Variants in TRIP11 observed in about 807,000 individuals in gnomAD.
TRIP11 encodes the protein thyroid hormone receptor interactor 11.
A neutral mutation model predicts 223.1 loss-of-function variants in TRIP11; 148 were observed. That is an observed-to-expected ratio of 0.66 (90% CI 0.58 to 0.76). TRIP11 has a LOEUF of 0.76. TRIP11 is among the 30% of genes least tolerant of loss of function. The pLI, the probability that TRIP11 is intolerant of heterozygous loss-of-function variation, is 0.00. For synonymous variants in TRIP11, 762 were observed against 772.6 expected (o/e 0.99, Z 0.23); for missense variants, 2,043 against 2,222.0 (o/e 0.92, Z 1.62).
Position 91,976,119 on chromosome 14 carries a change from T to C in TRIP11, c.5331A>G (p.Gly1777=). The change falls in exon 17 of 21, where the codon GGA becomes GGG. Residue 1777 remains glycine, a synonymous_variant. Transcript: ENST00000267622. ...AGCAAAAAGCATACTTGTCTACTTT[T>C]CCTTCTGAGCTGTTTGCTAAGCTCA... ...KLMSLANSSE[G]KVDKVLMRNL... 1 of 1,612,344 alleles carries C rather than the reference T, an allele frequency of 6.2e-7. No homozygotes were observed. Among genetic ancestry groups the C allele is most frequent in the Non-Finnish European group, 8.5e-7 (1 of 1,179,740 alleles).
intron 11 of TRIP11, 40 bp from the exon 12 acceptor site, chr14:92,000,148 C>A (rs765224723): frequency 2.5e-6 from 4 of 1,613,236 alleles, no homozygotes; most frequent in Non-Finnish European, 3.4e-6. Context: ...AAAACACACA[C>A]ACACACATAT....
rs767207472 is a variant in TRIP11, at chr14:92,003,529, G to T, written c.4447C>A (p.Gln1483Lys). ...ATAGAAAACTTCATGTTAGTCTCTT[G>T]TAACGCTTGATATTCTGTTTCCTTT... ...RGKETEYQAL[Q>K]ETNMKFSMML... Residue 1483 changes from glutamine to lysine, a missense_variant, in exon 11 of 21, where the codon CAA becomes AAA. Gln to Lys is a moderately conservative substitution (Grantham distance 53, BLOSUM62 1). Transcript: ENST00000267622. 2.2e-5 allele frequency: 35 copies of T among 1,613,950 alleles called. No homozygotes were observed. The Admixed American group carries it at 5.8e-4, about 27-fold the overall frequency.
rs761404315 is a variant in TRIP11 at position 92,003,607 on chromosome 14, C to T, written c.4369G>A (p.Asp1457Asn). 6.2e-7 allele frequency: 1 copy of T among 1,614,130 alleles called. No homozygotes were observed. The highest frequency in any genetic ancestry group is 1.7e-5 in the Admixed American group (1 of 60,018). The change falls in exon 11 of 21, where the codon GAC becomes AAC. Residue 1457 changes from aspartate (D) to asparagine (N), a missense_variant. Transcript: ENST00000267622. ...TTTTCTCCTTTTAGTTTGCCAATGT[C>T]CATCTCTAGAATTAATATTCTCTCC... is the stretch of plus-strand genomic sequence containing the variant. ...LKERILILEM[D>N]IGKLKGENEK... is the part of the protein sequence containing the mutation.
Position 92,039,711 on chromosome 14 carries a change from G to A in TRIP11, c.-26C>T. On this transcript the variant is annotated 5_prime_UTR_variant, in exon 1 of 21. Coordinates refer to ENST00000267622, the MANE Select transcript of TRIP11 (RefSeq NM_004239.4). ...CGCGGCGAGTTTAGAGAACGACCCG[G>A]TCCGCTCGGAAAAAAGAAAACGTTT... 6.2e-7 allele frequency: 1 copy of A among 1,605,554 alleles called. No individual in the cohort carries two copies. Among genetic ancestry groups the A allele is most frequent in the Non-Finnish European group, 8.5e-7 (1 of 1,176,052 alleles).
chr14:92,011,604 T>A (rs1595393834), intron 8 of TRIP11, 151 bp downstream of exon 8: 2 of 623,370 alleles, frequency 3.2e-6, no homozygotes, highest in South Asian at 2.0e-5. Flanking sequence ...CTTGGAAAAA[T>A]ATAAAAATAT....
chr14:92,039,782 CG>C lies in TRIP11; in HGVS notation c.-98del, dbSNP rs1360554909. On this transcript the variant is annotated 5_prime_UTR_variant, in exon 1 of 21. Coordinates refer to ENST00000267622, the MANE Select transcript of TRIP11 (RefSeq NM_004239.4). ...CCAAATATCCTTGAACGCCTGCCTT[CG>C]CGAGACAGGATACGATAACACAAAG... 6.4e-6 allele frequency: 10 copies of C among 1,550,620 alleles called. No individual in the cohort carries two copies. Among genetic ancestry groups the C allele is most frequent in the Non-Finnish European group, 8.7e-6 (10 of 1,147,166 alleles).
Position 92,025,878 on chromosome 14 carries a change from C to CAAAAAAAAA in TRIP11, c.202-467_202-459dup, listed in dbSNP as rs372915026. ...CTGGTGACAGAGCGAGACTCCGTCT[C>CAAAAAAAAA]AAAAAAAAAAAAAAAAAGCACTGAC... On this transcript the variant is annotated intron_variant, in intron 2 of 20. Coordinates refer to ENST00000267622, the MANE Select transcript of TRIP11 (RefSeq NM_004239.4). 9.2e-4 allele frequency among the ~76,000 whole-genome samples: 68 copies of CAAAAAAAAA among 74,038 alleles called. 1 individual carries two copies. The highest frequency in any genetic ancestry group is 3.1e-3 in the African/African-American group (66 of 21,506). The allele number at this position is 74,038 out of a possible 152,430, so 48.6% of individuals were successfully genotyped here. A position where few individuals can be genotyped will look rare whatever the true frequency, so the allele number is the denominator to read the frequency against.
rs1018261471 is a variant in TRIP11, at chr14:92,007,687, T to C, written c.1480A>G (p.Ile494Val). The change falls in exon 10 of 21, where the codon ATA (isoleucine) becomes GTA (valine). Residue 494 changes from isoleucine (I) to valine (V), a missense_variant. Transcript: ENST00000267622. ...NQSISEKETL[I>V]AEIEELDRQN... is the part of the protein sequence containing the mutation. Reference sequence around the variant, plus strand: ...CTGTCCAATTCTTCTATCTCAGCTATCAGTGTTTCCTTTTCACTAATACTC... The same window carrying C: ...CTGTCCAATTCTTCTATCTCAGCTACCAGTGTTTCCTTTTCACTAATACTC... 2.5e-6 allele frequency: 4 copies of C among 1,613,708 alleles called. No homozygotes were observed. Among genetic ancestry groups the C allele is most frequent in the Middle Eastern group, 1.7e-4 (1 of 6,058 alleles).
At chr14:92,012,117 A>T (rs182187097) in intron 7 of TRIP11, among the ~76,000 whole-genome samples, 1 of 152,362 alleles carries the variant, frequency 6.6e-6, no homozygotes, top group Non-Finnish European at 1.5e-5. Flanking sequence ...GAATTGATTC[A>T]TTTGAGAAGC....
At chr14:92,002,435 G>A (rs1274605557) in intron 11 of TRIP11, among the ~76,000 whole-genome samples, 1 of 151,998 alleles carries the variant, frequency 6.6e-6, no homozygotes, top group African/African-American at 2.4e-5. Context: ...ATTACTCATG[G>A]CTAATACTTT....
intron 2 of TRIP11, among the ~76,000 whole-genome samples, chr14:92,030,255 G>A (rs1476591848): frequency 4.2e-5 from 6 of 142,074 alleles, no homozygotes; most frequent in Non-Finnish European, 7.8e-5. Context: ...ATATTTTTAA[G>A]AACAAAAAAG....
intron 16 of TRIP11, among the ~76,000 whole-genome samples, chr14:91,980,219 T>A (rs17733282): frequency 6.6e-6 from 1 of 152,024 alleles, no homozygotes; most frequent in Non-Finnish European, 1.5e-5. Context: ...AATTTTACAT[T>A]TCATTTGTAA....
rs1465519421 is a variant in TRIP11, at chr14:92,022,060, A to C, written c.313-229T>G. On this transcript the variant is annotated intron_variant, in intron 3 of 20. Coordinates refer to ENST00000267622, the MANE Select transcript of TRIP11 (RefSeq NM_004239.4). ...ATGTTACAAATAGTAGAAATATCAG[A>C]ATTTTGTATGTTAACTAAAGCAATG... Among the ~76,000 whole-genome samples the C allele has an allele frequency of 2.6e-5, 4 of 152,228 alleles. No individual in the cohort carries two copies. The East Asian group carries it at 7.7e-4, about 29-fold the overall frequency.
At chr14:91,999,916 T>C (rs1422584819) in intron 12 of TRIP11, 52 bp downstream of exon 12, 7 of 1,605,794 alleles carry the variant, frequency 4.4e-6, no homozygotes, top group African/African-American at 1.3e-5. Context: ...GTTCTCTTAA[T>C]AGTTATTAAA....
rs2056715093 is a variant in TRIP11 at position 91,993,966 on chromosome 14, A to C, written c.5057-54T>G. ...ATTTTGCAATCGTGTGTTAAGTTAG[A>C]ATGTTAAGCCATTTTAAATTTTAAT... On this transcript the variant is annotated intron_variant, in intron 14 of 20. Coordinates refer to ENST00000267622, the MANE Select transcript of TRIP11 (RefSeq NM_004239.4). 3.7e-6 allele frequency: 5 copies of C among 1,366,768 alleles called. No homozygotes were observed. The African/African-American group carries it at 4.3e-5, about 12-fold the overall frequency. The allele number at this position is 1,366,768 out of a possible 1,614,324, so 84.7% of individuals were successfully genotyped here.
chr14:91,973,355 C>G (rs1348145652), intron 19 of TRIP11, among the ~76,000 whole-genome samples: 2 of 152,102 alleles, frequency 1.3e-5, no homozygotes, highest in African/African-American at 4.8e-5. Flanking sequence ...AGATGATCAT[C>G]ATTACAAAAA....
chr14:92,021,948 G>T, intron 3 of TRIP11, 117 bp from the exon 4 acceptor site: 1 of 1,122,932 alleles, frequency 8.9e-7, no homozygotes, highest in Non-Finnish European at 1.3e-6. Flanking sequence ...TCCAATGATG[G>T]TCCTCTATCA....
rs766185313 is a variant in TRIP11 at position 91,999,984 on chromosome 14, G to C, written c.4682C>G (p.Thr1561Ser). The C allele has an allele frequency of 1.9e-6, 3 of 1,613,868 alleles. No individual in the cohort carries two copies. In the South Asian group the frequency reaches 3.3e-5, roughly 18 times the overall value. ...LALKQKQMENTALQNEVQRLR... is the reference protein window; with the variant it reads ...LALKQKQMENSALQNEVQRLR... The stretch of plus-strand genomic sequence containing the variant: ...AAAGTATACCTCATTCTGTAGGGCA[G>C]TATTTTCCATTTGTTTTTGTTTCAG... Residue 1561 changes from threonine to serine, a missense_variant, in exon 12 of 21, where the codon ACT (threonine) becomes AGT (serine). By Grantham distance (58) the Thr-to-Ser change is moderately conservative. Transcript: ENST00000267622.
Position 92,006,412 on chromosome 14 carries a change from G to A in TRIP11, c.1564C>T (p.Gln522Ter). Reference protein sequence around the residue: ...ILIKDQLSKQQNEGDSIISKL... With the variant: ...ILIKDQLSKQ The stretch of plus-strand genomic sequence containing the variant: ...CTGATGATGCTATCTCCTTCATTTT[G>A]TTGTTTTGATAGCTGATCTTTTATC... The change falls in exon 11 of 21, where the codon CAA becomes TAA. Residue 522 changes from glutamine (Q) to a stop codon, truncating the protein, a stop_gained. Coordinates refer to ENST00000267622, the MANE Select transcript of TRIP11 (RefSeq NM_004239.4). LOFTEE classifies it high-confidence loss of function. The A allele has an allele frequency of 6.2e-7, 1 of 1,612,422 alleles. No homozygotes were observed. The highest frequency in any genetic ancestry group is 8.5e-7 in the Non-Finnish European group (1 of 1,179,584).
Sources: allele counts gnomAD v4.1 joint callset (sites outside exome capture counted in the v4.1 genomes callset), GRCh38; gene constraint gnomAD v4.1.1; transcripts MANE v1.5; gene names NCBI Gene and HGNC (gene_info 2026-07-23, HGNC 2026-07-21).